Variants in RNF130 observed in about 807,000 individuals in gnomAD.
RNF130 encodes the protein ring finger protein 130, also known as E3 ubiquitin-protein ligase RNF130.
A neutral mutation model predicts 44.6 loss-of-function variants in RNF130; 21 were observed. That is an observed-to-expected ratio of 0.47 (90% confidence interval 0.33 to 0.68). The LOEUF (loss-of-function observed/expected upper bound fraction) is 0.68. Among genes scored for constraint, RNF130 ranks in the 30% least tolerant of loss-of-function variants. The pLI, the probability that RNF130 is intolerant of heterozygous loss-of-function variation, is 0.02. For synonymous variants in RNF130, 214 were observed against 210.4 expected (o/e 1.02, Z -0.15); for missense variants, 479 against 560.6 (o/e 0.85, Z 1.47).
At chr5:179,980,229 C>T (rs28011) in intron 3 of RNF130, 29 bp from the exon 4 acceptor site, 1,166,558 of 1,603,366 alleles carry the variant, frequency 0.73, 428,769 homozygotes, top group African/African-American at 0.94. Context: ...AAAACAGATA[C>T]TAAGTGTAAG....
chr5:180,016,929 A>G lies in RNF130; in HGVS notation c.443-3618T>C, dbSNP rs186941182. ...AAGGCTAGCTACGTGGCCACAATTC[A>G]TTTACTTATCCTCAAGAAATTTAAC... On this transcript the variant is annotated intron_variant, in intron 2 of 8. Transcript: ENST00000521389. 6.6e-5 allele frequency among the ~76,000 whole-genome samples: 10 copies of G among 152,316 alleles called. No individual in the cohort carries two copies. The East Asian group carries it at 1.5e-3, about 23-fold the overall frequency.
intron 3 of RNF130, among the ~76,000 whole-genome samples, chr5:180,008,423 T>C (rs936961943): frequency 2.0e-5 from 3 of 152,194 alleles, no homozygotes; most frequent in South Asian, 2.1e-4. Context: ...CCAGAGAACA[T>C]GCCACCCAAC....
At chr5:180,038,902 A>G (rs146295685) in intron 2 of RNF130, among the ~76,000 whole-genome samples, 55 of 152,376 alleles carry the variant, frequency 3.6e-4, no homozygotes, top group Admixed American at 1.0e-3. Context: ...AGAAGAAATC[A>G]GCATGGAATG....
chr5:179,948,942 C>T (rs1353520081), intron 7 of RNF130, among the ~76,000 whole-genome samples: 1 of 151,718 alleles, frequency 6.6e-6, no homozygotes, highest in Admixed American at 6.6e-5. Context: ...ACCAACCTGG[C>T]CAATGCTTCC....
intron 3 of RNF130, among the ~76,000 whole-genome samples, chr5:179,997,967 G>A (rs949925849): frequency 4.0e-5 from 6 of 151,396 alleles, no homozygotes; most frequent in African/African-American, 1.5e-4. Flanking sequence ...TCAGCCTCCC[G>A]AGTAGCTGAG....
chr5:180,033,147 T>C (rs1272171117), intron 2 of RNF130, among the ~76,000 whole-genome samples: 3 of 151,518 alleles, frequency 2.0e-5, no homozygotes, highest in African/African-American at 7.3e-5. Context: ...CTACTTTTTT[T>C]ATTTTTTATT....
rs181511766 is a variant in RNF130, at chr5:180,001,941, T to G, written c.693+11120A>C. ...GTCACCGCTCTATTTCTCTGGGACATGGTGTACTATATCAGCTCATCCCTG... is the reference window on the plus strand; with the variant it reads ...GTCACCGCTCTATTTCTCTGGGACAGGGTGTACTATATCAGCTCATCCCTG... On this transcript the variant is annotated intron_variant, in intron 3 of 8. Transcript: ENST00000521389. 8.5e-5 allele frequency among the ~76,000 whole-genome samples: 13 copies of G among 152,284 alleles called. No individual in the cohort carries two copies. The East Asian group carries it at 2.5e-3, about 29-fold the overall frequency.
chr5:179,932,959 A>T (rs1219539028), intron 7 of RNF130, among the ~76,000 whole-genome samples: 3 of 152,236 alleles, frequency 2.0e-5, no homozygotes, highest in Non-Finnish European at 4.4e-5. Context: ...TGATCAAGAA[A>T]GAAGACCAAA....
chr5:179,962,124 T>C (rs2113699114), intron 8 of RNF130, among the ~76,000 whole-genome samples: 1 of 152,298 alleles, frequency 6.6e-6, no homozygotes, highest in African/African-American at 2.4e-5. Flanking sequence ...AGGTGCGCCA[T>C]GCTGAAGGAA....
At chr5:180,042,032 G>A (rs1764432566) in intron 1 of RNF130, among the ~76,000 whole-genome samples, 1 of 152,160 alleles carries the variant, frequency 6.6e-6, no homozygotes, top group Non-Finnish European at 1.5e-5. Flanking sequence ...GATAGAACAA[G>A]ACCTTGTCTC....
At chr5:180,054,820 C>T (rs2113166272) in intron 1 of RNF130, among the ~76,000 whole-genome samples, 1 of 152,286 alleles carries the variant, frequency 6.6e-6, no homozygotes, top group Non-Finnish European at 1.5e-5. Flanking sequence ...GACCTATGAA[C>T]ATGAAAAGTC....
At chr5:180,036,959 TTC>T (rs1335946725) in intron 2 of RNF130, among the ~76,000 whole-genome samples, 3 of 152,250 alleles carry the variant, frequency 2.0e-5, no homozygotes, top group Non-Finnish European at 2.9e-5. Context: ...ATGTATGTTT[TTC>T]TTAGTTTATA....
chr5:179,946,038 C>T (rs929462188), intron 7 of RNF130, among the ~76,000 whole-genome samples: 1 of 152,258 alleles, frequency 6.6e-6, no homozygotes, highest in Non-Finnish European at 1.5e-5. Context: ...CTCAGTTCCC[C>T]TGTGCTTCCC....
chr5:179,972,271 T>A (rs192369365), intron 5 of RNF130, among the ~76,000 whole-genome samples: 1 of 152,178 alleles, frequency 6.6e-6, no homozygotes, highest in African/African-American at 2.4e-5. Context: ...CCCTTAGATC[T>A]GATAGAAGTT....
rs200068075 is a variant in RNF130, at chr5:180,040,434, A to C, written c.442+19T>G. ...TTCTAAGAAGAAAAACAAAATCAAC[A>C]ACCCTCATTTTTGTTTACCTGGATG... On this transcript the variant is annotated intron_variant, in intron 2 of 8. Transcript: ENST00000521389. 4.6e-5 allele frequency: 73 copies of C among 1,600,310 alleles called. No homozygotes were observed. The highest frequency in any genetic ancestry group is 5.6e-5 in the Non-Finnish European group (66 of 1,171,260).
At chr5:179,964,588 ATG>A (rs1762402789) in intron 7 of RNF130, among the ~76,000 whole-genome samples, 1 of 152,234 alleles carries the variant, frequency 6.6e-6, no homozygotes, top group African/African-American at 2.4e-5. Context: ...TGTATACAGC[ATG>A]TGTGTTTCTC....
chr5:179,937,529 A>C (rs781752826), intron 7 of RNF130, among the ~76,000 whole-genome samples: 3 of 152,226 alleles, frequency 2.0e-5, no homozygotes, highest in Non-Finnish European at 4.4e-5. Context: ...AAATGGCTAT[A>C]ATTTTAAAAA....
chr5:180,029,063 G>A (rs954420638), intron 2 of RNF130, among the ~76,000 whole-genome samples: 3 of 152,164 alleles, frequency 2.0e-5, no homozygotes, highest in African/African-American at 7.2e-5. Context: ...TCACAAAGCT[G>A]ATAATCAACT....
intron 1 of RNF130, among the ~76,000 whole-genome samples, chr5:180,051,238 A>ATATTTATTTATTTATT (rs61340522): frequency 0.43 from 61,485 of 143,906 alleles, 14,493 homozygotes; most frequent in South Asian, 0.63. Flanking sequence ...TATAGATATT[A>ATATTTATTTATTTATT]TATTTATTTA....
Sources: gnomAD v4.1 joint callset for allele counts (sites outside exome capture counted in the v4.1 genomes callset) on GRCh38, gnomAD v4.1.1 for gene constraint, MANE v1.5 for transcripts, NCBI Gene and HGNC (gene_info 2026-07-23, HGNC 2026-07-21) for gene names.